The following LUZP4 variants were observed in gnomAD, a reference collection of about 807,000 sequenced individuals.
LUZP4 encodes the protein HOM-TES-85 tumor antigen.
In LUZP4, 11 loss-of-function variants were observed where a neutral mutation model predicts 8.5. That is an observed-to-expected ratio of 1.30 (90% CI 0.82 to 2.14). LUZP4 has a LOEUF of 2.14. Among genes scored for constraint, LUZP4 ranks in the 30% most tolerant of loss-of-function variants. LUZP4 has a pLI of 0.00. For missense variants in LUZP4, 276 were observed against 229.7 expected (o/e 1.20, Z -1.30); for synonymous variants, 104 against 79.4 (o/e 1.31, Z -1.65).
Position 115,307,055 on chromosome X carries a change from C to T in LUZP4, c.*251C>T, listed in dbSNP as rs1397964640. ...CCTGGAAGAGCCGTATGTACTCAGC[C>T]TTTCCTATTGGGCCTTCCCCACAAT... On this transcript the variant is annotated 3_prime_UTR_variant, in exon 4 of 4. Transcript: ENST00000371920. The T allele has an allele frequency of 5.4e-6, 2 of 372,735 alleles. No individual in the cohort carries two copies. Among genetic ancestry groups the T allele is most frequent in the African/African-American group, 5.1e-5 (2 of 39,250 alleles). 30.7% of individuals were successfully genotyped at this position (372,735 alleles called of 1,213,427 possible).
Position 115,289,728 on chromosome X carries a change from C to T in LUZP4, c.-32C>T, listed in dbSNP as rs201480473. Reference sequence around the variant, plus strand: ...TGAGGGGGTGGTACACGCGCCCTACCTCGGAGTGTGTGGCGCCATGATGCA... The same window carrying T: ...TGAGGGGGTGGTACACGCGCCCTACTTCGGAGTGTGTGGCGCCATGATGCA... On this transcript the variant is annotated 5_prime_UTR_variant, in exon 1 of 4. Coordinates refer to ENST00000371920, the MANE Select transcript of LUZP4 (RefSeq NM_016383.5). The T allele has an allele frequency of 1.8e-5, 20 of 1,107,552 alleles. No homozygotes were observed. The highest frequency in any genetic ancestry group is 1.6e-4 in the African/African-American group (9 of 55,159). 91.3% of individuals were successfully genotyped at this position (1,107,552 alleles called of 1,213,427 possible).
At chrX:115,296,098 A>T (rs1448340968) in intron 1 of LUZP4, among the ~76,000 whole-genome samples, 1 of 112,235 alleles carries the variant, frequency 8.9e-6, no homozygotes, top group African/African-American at 3.2e-5. Context: ...CCAGTGTTTT[A>T]AATATTTAAA....
chrX:115,300,084 C>T (rs1168042505), intron 1 of LUZP4, among the ~76,000 whole-genome samples: 1 of 111,447 alleles, frequency 9.0e-6, no homozygotes, highest in Admixed American at 9.5e-5. Context: ...AAGTCCTCCC[C>T]ACTCTTCCCT....
In LUZP4 at chrX:115,306,353, A is replaced by G; in HGVS notation, c.491A>G (p.Asn164Ser). 1 of 1,211,434 alleles carries G rather than the reference A, an allele frequency of 8.3e-7. No homozygotes were observed. The highest frequency in any genetic ancestry group is 1.1e-6 in the Non-Finnish European group (1 of 895,441). Residue 164 changes from asparagine to serine, a missense_variant, in exon 4 of 4, where the codon AAC (asparagine) becomes AGC (serine). Physicochemically the swap from Asn to Ser is conservative, Grantham distance 46. Transcript: ENST00000371920. ...EENHHSERSR[N>S]HLERSLSQSD... is the part of the protein sequence containing the mutation. ...AATCATCATTCTGAGCGATCCCGAA[A>G]CCACTTAGAGAGATCTCTTTCTCAG...
At position 115,303,658 on chromosome X, in the gene LUZP4, C is replaced by T. The variant is rs370795847; in HGVS notation, c.342+240C>T. The stretch of plus-strand genomic sequence containing the variant: ...TACTAAAACTTTTGAATTTATAAAA[C>T]GCCAAAATAGATTATTAATTATTGT... On this transcript the variant is annotated intron_variant, in intron 3 of 3. Transcript: ENST00000371920. 3.2e-4 allele frequency among the ~76,000 whole-genome samples: 36 copies of T among 111,819 alleles called. No homozygotes were observed. In the South Asian group the frequency reaches 0.012, roughly 37 times the overall value.
At chrX:115,300,835 C>T (rs1556601236) in intron 1 of LUZP4, among the ~76,000 whole-genome samples, 6 of 111,543 alleles carry the variant, frequency 5.4e-5, no homozygotes. Flanking sequence ...ACTGTTTTTT[C>T]TATCCCTTCA....
intron 1 of LUZP4, among the ~76,000 whole-genome samples, chrX:115,301,740 T>C (rs1477867042): frequency 1.9e-4 from 21 of 112,400 alleles, no homozygotes; most frequent in African/African-American, 6.5e-4. Flanking sequence ...AGTGTGAAAG[T>C]ATTTTGCTTT....
At chrX:115,296,636 A>G (rs1242806101) in intron 1 of LUZP4, among the ~76,000 whole-genome samples, 2 of 111,554 alleles carry the variant, frequency 1.8e-5, no homozygotes, top group African/African-American at 6.5e-5. Context: ...TTTCTCTTCA[A>G]TATGAAGAGG....
chrX:115,291,554 G>T, intron 1 of LUZP4, among the ~76,000 whole-genome samples: 1 of 111,128 alleles, frequency 9.0e-6, no homozygotes, highest in Non-Finnish European at 1.9e-5. Context: ...TTAGAGATGA[G>T]GGTAGGGGAG....
At chrX:115,305,993 G>A (rs2073418286) in intron 3 of LUZP4, among the ~76,000 whole-genome samples, 1 of 111,431 alleles carries the variant, frequency 9.0e-6, no homozygotes, top group African/African-American at 3.3e-5. Context: ...TTTTATTAAA[G>A]TTTTAGTTGC....
At chrX:115,305,522 A>G (rs1362487325) in intron 3 of LUZP4, among the ~76,000 whole-genome samples, 1 of 111,885 alleles carries the variant, frequency 8.9e-6, no homozygotes, top group Non-Finnish European at 1.9e-5. Context: ...AGCATGGTCT[A>G]TATGACTTTA....
chrX:115,300,329 C>G (rs1451325929), intron 1 of LUZP4, among the ~76,000 whole-genome samples: 1 of 112,386 alleles, frequency 8.9e-6, no homozygotes, highest in African/African-American at 3.2e-5. Context: ...CTGGACCACA[C>G]TGAAAGAATA....
intron 1 of LUZP4, among the ~76,000 whole-genome samples, chrX:115,299,664 G>A (rs182737312): frequency 1.7e-4 from 19 of 110,896 alleles, no homozygotes; most frequent in African/African-American, 6.2e-4. Flanking sequence ...ATGCTGCCTG[G>A]TCTGAGACTC....
chrX:115,303,419 G>A lies in LUZP4; in HGVS notation c.342+1G>A, dbSNP rs1335322598. On this transcript the variant is annotated splice_donor_variant, in intron 3 of 3. Transcript: ENST00000371920. LOFTEE classifies it high-confidence loss of function. Reference sequence around the variant, plus strand: ...AAATGGGCAGCCTTTAATTGAGCAGGTAGATAAGTACCAAGAATTAACCAA... The same window carrying A: ...AAATGGGCAGCCTTTAATTGAGCAGATAGATAAGTACCAAGAATTAACCAA... 9.7e-7 allele frequency: 1 copy of A among 1,028,298 alleles called. No homozygotes were observed. The highest frequency in any genetic ancestry group is 2.4e-5 in the South Asian group (1 of 42,506). 84.7% of individuals were successfully genotyped at this position (1,028,298 alleles called of 1,213,427 possible). A position where few individuals can be genotyped will look rare whatever the true frequency, so the allele number is the denominator to read the frequency against.
At chrX:115,306,157 C>A (rs375659611) in intron 3 of LUZP4, 48 bp from the exon 4 acceptor site, 279 of 1,139,053 alleles carry the variant, frequency 2.4e-4, no homozygotes, top group Non-Finnish European at 3.2e-4. Flanking sequence ...TGACTTAAAT[C>A]ATGAAGTATA....
intron 3 of LUZP4, among the ~76,000 whole-genome samples, 172 bp from the exon 4 acceptor site, chrX:115,306,033 A>G (rs1346202642): frequency 8.9e-6 from 1 of 111,999 alleles, no homozygotes; most frequent in Non-Finnish European, 1.9e-5. Flanking sequence ...GACACGATAC[A>G]ATGGAGCTAT....
chrX:115,293,097 C>CA (rs1162631273), intron 1 of LUZP4, among the ~76,000 whole-genome samples: 171 of 104,187 alleles, frequency 1.6e-3, no homozygotes, highest in African/African-American at 5.5e-3. Context: ...CAAGGAGTCA[C>CA]AAAAAAAAAA....
intron 1 of LUZP4, among the ~76,000 whole-genome samples, chrX:115,295,867 G>A (rs1407085867): frequency 8.9e-6 from 1 of 111,968 alleles, no homozygotes; most frequent in Non-Finnish European, 1.9e-5. Flanking sequence ...GTTGGACCAC[G>A]AATCCACAAA....
Position 115,306,428 on chromosome X carries a change from G to C in LUZP4, c.566G>C (p.Arg189Thr). 1 of 1,211,494 alleles carries C rather than the reference G, an allele frequency of 8.3e-7. No homozygotes were observed. Among genetic ancestry groups the C allele is most frequent in the Non-Finnish European group, 1.1e-6 (1 of 895,382 alleles). ...AAGAGACATCATCCCCAATATGAGA[G>C]ATCTCATGGCCAATACAAGAGATCT... is the stretch of plus-strand genomic sequence containing the variant. ...QLKRHHPQYE[R>T]SHGQYKRSHG... is the part of the protein sequence containing the mutation. The change falls in exon 4 of 4, where the codon AGA becomes ACA. Residue 189 changes from arginine (R) to threonine (T), a missense_variant. Transcript: ENST00000371920.
Sources: gnomAD v4.1 joint callset for allele counts (sites outside exome capture counted in the v4.1 genomes callset) on GRCh38, gnomAD v4.1.1 for gene constraint, MANE v1.5 for transcripts, NCBI Gene and HGNC (gene_info 2026-07-23, HGNC 2026-07-21) for gene names.